Variants in PLAGL1 observed in about 807,000 individuals in gnomAD.
The protein encoded by PLAGL1 is PLAG1 like zinc finger 1.
A neutral mutation model predicts 4.6 loss-of-function variants in PLAGL1; 1 was observed. That is an observed-to-expected ratio of 0.22 (90% CI 0.08 to 1.03). The LOEUF is 1.03. PLAGL1 is among the 50% of genes least tolerant of loss of function. The pLI is 0.58. For missense variants in PLAGL1, 464 were observed against 570.4 expected (o/e 0.81, Z 1.90); for synonymous variants, 240 against 237.8 (o/e 1.01, Z -0.08).
chr6:143,964,214 G>A lies in PLAGL1; in HGVS notation c.-399+573C>T, dbSNP rs969440171. 2.6e-5 allele frequency among the ~76,000 whole-genome samples: 4 copies of A among 151,866 alleles called. No individual in the cohort carries two copies. Among genetic ancestry groups the A allele is most frequent in the African/African-American group, 9.7e-5 (4 of 41,270 alleles). On this transcript the variant is annotated intron_variant, in intron 5 of 7. Coordinates refer to ENST00000674357, the MANE Select transcript of PLAGL1 (RefSeq NM_001317162.2). The surrounding 1 kb of genome is among the most constrained non-coding windows in gnomAD (Gnocchi z 4.3). ...CAGCTACGTGAAGAGTGTGCCTCGGGAGGCCAGACCTGAGGCAGGAGGTTT... is the reference window on the plus strand; with the variant it reads ...CAGCTACGTGAAGAGTGTGCCTCGGAAGGCCAGACCTGAGGCAGGAGGTTT...
intron 1 of PLAGL1, among the ~76,000 whole-genome samples, chr6:144,023,832 AG>A (rs1796147051): frequency 7.9e-6 from 1 of 126,442 alleles, no homozygotes; most frequent in African/African-American, 3.1e-5. Context: ...ACTGGAGTGC[AG>A]TGGTGCAATC....
rs1438167551 is a variant in PLAGL1 at position 143,989,326 on chromosome 6, A to G, written c.-583-4152T>C. 6.6e-6 allele frequency among the ~76,000 whole-genome samples: 1 copy of G among 152,186 alleles called. No individual in the cohort carries two copies. The highest frequency in any genetic ancestry group is 1.9e-4 in the East Asian group (1 of 5,208). On this transcript the variant is annotated intron_variant, in intron 1 of 7. Coordinates refer to ENST00000674357, the MANE Select transcript of PLAGL1 (RefSeq NM_001317162.2). This position sits in a 1 kb window ranked among gnomAD's most constrained non-coding sequence, Gnocchi z 4.8. ...CTGTGCCACAAGTGCCAGGTTAAAC[A>G]TTATTTCTGGCTACGTCCATGCAGG...
At chr6:144,054,141 A>G (rs1323228578) in intron 1 of PLAGL1, among the ~76,000 whole-genome samples, 4 of 143,794 alleles carry the variant, frequency 2.8e-5, no homozygotes, top group African/African-American at 1.1e-4. Context: ...TATAAAATAT[A>G]TGCTCACTTA....
At position 144,005,571 on chromosome 6, in the gene PLAGL1, C is replaced by G. The variant is rs570645128; in HGVS notation, c.-584+2519G>C. On this transcript the variant is annotated intron_variant, in intron 1 of 7. Transcript: ENST00000674357. The surrounding 1 kb of genome is among the most constrained non-coding windows in gnomAD (Gnocchi z 4.6). ...GGTAAATTAAAGAACAAAATGTGGA[C>G]AAAACATAAACTTAAAAATTCTTAG... is the stretch of plus-strand genomic sequence containing the variant. The G allele has an allele frequency of 7.2e-5, 11 of 152,000 alleles. No individual in the cohort carries two copies. The highest frequency in any genetic ancestry group is 2.6e-4 in the Admixed American group (4 of 15,288). 9.4% of individuals were successfully genotyped at this position (152,000 alleles called of 1,614,324 possible).
chr6:144,057,619 T>C (rs1196558854), intron 1 of PLAGL1, among the ~76,000 whole-genome samples: 1 of 152,172 alleles, frequency 6.6e-6, no homozygotes, highest in Non-Finnish European at 1.5e-5. Flanking sequence ...TTCCCTTCAA[T>C]CTTTCTCTGA....
intron 7 of PLAGL1, among the ~76,000 whole-genome samples, chr6:143,946,264 C>G (rs1779764144): frequency 6.6e-6 from 1 of 152,192 alleles, no homozygotes; most frequent in African/African-American, 2.4e-5. Context: ...CAACTGTAAT[C>G]CCAATAGTTC....
At chr6:144,062,146 G>A (rs999877250) in intron 1 of PLAGL1, among the ~76,000 whole-genome samples, 1 of 152,124 alleles carries the variant, frequency 6.6e-6, no homozygotes, top group Non-Finnish European at 1.5e-5. Context: ...GGGAGATGAA[G>A]GCGGGCAGAT....
At chr6:144,043,595 T>A (rs1006373803) in intron 1 of PLAGL1, among the ~76,000 whole-genome samples, 3 of 152,232 alleles carry the variant, frequency 2.0e-5, no homozygotes, top group Non-Finnish European at 1.5e-5. Flanking sequence ...TATTGAGGAT[T>A]TTCGCATCGA....
intron 1 of PLAGL1, among the ~76,000 whole-genome samples, chr6:144,023,768 CTT>C (rs34002736): frequency 3.7e-4 from 27 of 72,656 alleles, no homozygotes; most frequent in Middle Eastern, 0.01. Flanking sequence ...TCATATTTAG[CTT>C]TTTTTTTTTT....
Position 143,947,876 on chromosome 6 carries a change from A to G in PLAGL1, c.152+109T>C, listed in dbSNP as rs1202629858. ...ATTTCAAGAATCCCTCAAAGGCTAAAATGCATCCATATCCTGTGTCCCTTT... is the reference window on the plus strand; with the variant it reads ...ATTTCAAGAATCCCTCAAAGGCTAAGATGCATCCATATCCTGTGTCCCTTT... On this transcript the variant is annotated intron_variant, in intron 7 of 7. Transcript: ENST00000674357. The surrounding 1 kb of genome is among the most constrained non-coding windows in gnomAD (Gnocchi z 4.3). 4.8e-6 allele frequency: 4 copies of G among 839,440 alleles called. No individual in the cohort carries two copies. The highest frequency in any genetic ancestry group is 5.7e-6 in the Non-Finnish European group (3 of 530,530). 52.0% of individuals were successfully genotyped at this position (839,440 alleles called of 1,614,324 possible). A position where few individuals can be genotyped will look rare whatever the true frequency, so the allele number is the denominator to read the frequency against.
Position 143,957,637 on chromosome 6 carries a change from G to A in PLAGL1, c.-325+2832C>T, listed in dbSNP as rs1243558858. Among the ~76,000 whole-genome samples the A allele has an allele frequency of 2.0e-5, 3 of 152,320 alleles. No individual in the cohort carries two copies. Among genetic ancestry groups the A allele is most frequent in the Middle Eastern group, 3.4e-3 (1 of 294 alleles). ...CCTCTTTCTTTCTCAGGAAGTGTGT[G>A]AGGATATAGGCTCACATTGAGAAGA... is the stretch of plus-strand genomic sequence containing the variant. On this transcript the variant is annotated intron_variant, in intron 6 of 7. Transcript: ENST00000674357. The surrounding 1 kb of genome is among the most constrained non-coding windows in gnomAD (Gnocchi z 4.2).
Position 143,959,006 on chromosome 6 carries a change from C to T in PLAGL1, c.-325+1463G>A, listed in dbSNP as rs1782770741. Among the ~76,000 whole-genome samples, 1 of 151,040 alleles carries T rather than the reference C, an allele frequency of 6.6e-6. No individual in the cohort carries two copies. On this transcript the variant is annotated intron_variant, in intron 6 of 7. Coordinates refer to ENST00000674357, the MANE Select transcript of PLAGL1 (RefSeq NM_001317162.2). The surrounding 1 kb of genome is among the most constrained non-coding windows in gnomAD (Gnocchi z 5.3). The stretch of plus-strand genomic sequence containing the variant: ...GTTCAATGGGGGAGGAATGTGAACT[C>T]TCTGAGTAGCTGTCCTTGCAATCCA...
intron 1 of PLAGL1, among the ~76,000 whole-genome samples, chr6:144,024,500 C>CT (rs1796201990): frequency 6.6e-6 from 1 of 152,170 alleles, no homozygotes; most frequent in Non-Finnish European, 1.5e-5. Context: ...TGGGAGTTCT[C>CT]TGTACAAGCT....
intron 1 of PLAGL1, among the ~76,000 whole-genome samples, chr6:144,051,174 T>C (rs767137077): frequency 2.0e-5 from 3 of 152,204 alleles, no homozygotes; most frequent in Non-Finnish European, 4.4e-5. Flanking sequence ...AAGTTTTCTA[T>C]ATATCACACA....
chr6:143,973,620 CT>C lies in PLAGL1; in HGVS notation c.-543-4643del, dbSNP rs1785844009. Among the ~76,000 whole-genome samples, 1 of 152,206 alleles carries C rather than the reference CT, an allele frequency of 6.6e-6. No individual in the cohort carries two copies. The highest frequency in any genetic ancestry group is 2.4e-5 in the African/African-American group (1 of 41,456). ...GATAGTCTCACTGAACAATCTGCAA[CT>C]TCTTTCATGTCACCGTACCCAAACT... On this transcript the variant is annotated intron_variant, in intron 2 of 7. Transcript: ENST00000674357. The surrounding 1 kb of genome is among the most constrained non-coding windows in gnomAD (Gnocchi z 6.2).
rs879832805 is a variant in PLAGL1 at position 144,004,510 on chromosome 6, G to A, written c.-584+3580C>T. Among the ~76,000 whole-genome samples, 10 of 152,190 alleles carry A rather than the reference G, an allele frequency of 6.6e-5. No homozygotes were observed. Among genetic ancestry groups the A allele is most frequent in the South Asian group, 2.1e-4 (1 of 4,834 alleles). Reference sequence around the variant, plus strand: ...ACAAAAGAATAAACTGTATGACTCCGTTTATATGAAGTTTAAAAACATTTG... The same window carrying A: ...ACAAAAGAATAAACTGTATGACTCCATTTATATGAAGTTTAAAAACATTTG... On this transcript the variant is annotated intron_variant, in intron 1 of 7. Transcript: ENST00000674357. This position sits in a 1 kb window ranked among gnomAD's most constrained non-coding sequence, Gnocchi z 4.2.
chr6:144,014,975 ACTT>A (rs1170955533), intron 1 of PLAGL1, among the ~76,000 whole-genome samples: 32 of 152,210 alleles, frequency 2.1e-4, no homozygotes, highest in Non-Finnish European at 4.4e-5. Flanking sequence ...AAAAAAATAA[ACTT>A]CTACATGCAT....
intron 6 of PLAGL1, among the ~76,000 whole-genome samples, chr6:143,956,312 C>A (rs150451534): frequency 3.5e-4 from 54 of 152,284 alleles, no homozygotes; most frequent in Middle Eastern, 3.4e-3. Flanking sequence ...ATCTACTCTG[C>A]ACTGTAGCCC....
At position 144,016,977 on chromosome 6, in the gene PLAGL1, G is replaced by C. The variant is rs1309153469; in HGVS notation, c.-151+47491C>G. Among the ~76,000 whole-genome samples, 3 of 151,982 alleles carry C rather than the reference G, an allele frequency of 2.0e-5. No individual in the cohort carries two copies. The highest frequency in any genetic ancestry group is 7.3e-5 in the African/African-American group (3 of 41,332). On this transcript the variant is annotated intron_variant, in intron 1 of 3. Coordinates refer to the PLAGL1 transcript ENST00000437412. The surrounding 1 kb of genome is among the most constrained non-coding windows in gnomAD (Gnocchi z 4.2). ...AGTGGCAGAGGTGAAACCTGACCTA[G>C]AGCCTTCTCTTGGACTCCTAATCCA...
Sources: gnomAD v4.1 joint callset for allele counts (sites outside exome capture counted in the v4.1 genomes callset) on GRCh38, gnomAD v4.1.1 for gene constraint, Gnocchi (gnomAD v3.1) non-coding constraint, MANE v1.5 for transcripts, NCBI Gene and HGNC (gene_info 2026-07-23, HGNC 2026-07-21) for gene names.